Variants in POSTN observed in about 807,000 individuals in gnomAD.
The protein encoded by POSTN is osteoblast specific factor 2 (fasciclin I-like).
A neutral mutation model predicts 104.5 loss-of-function variants in POSTN; 71 were observed. That is an observed-to-expected ratio of 0.68 (90% CI 0.56 to 0.83). The LOEUF (loss-of-function observed/expected upper bound fraction) is 0.83, where lower values mean the gene tolerates loss of function less well. Ranked by LOEUF, POSTN falls within the 40% of genes least tolerant of loss-of-function variation. The pLI is 0.00. For synonymous variants in POSTN, 355 were observed against 340.7 expected (o/e 1.04, Z -0.46); for missense variants, 949 against 1,006.8 (o/e 0.94, Z 0.78).
chr13:37,587,875 T>C lies in POSTN; in HGVS notation c.553A>G (p.Ile185Val), dbSNP rs150811349. 11 of 1,605,774 alleles carry C rather than the reference T, an allele frequency of 6.9e-6. No homozygotes were observed. Among genetic ancestry groups the C allele is most frequent in the Non-Finnish European group, 8.5e-6 (10 of 1,173,128 alleles). The stretch of plus-strand genomic sequence containing the variant: ...CCCAAATTGTTATACATTGAAGGAA[T>C]AATCATGCCATTTTTTAAGTCCTTG... Reference protein sequence around the residue: ...LTKDLKNGMIIPSMYNNLGLF... With the variant: ...LTKDLKNGMIVPSMYNNLGLF... Residue 185 changes from isoleucine (I) to valine (V), a missense_variant, in exon 5 of 23, where the codon ATT becomes GTT. Ile to Val is a conservative substitution (Grantham distance 29, BLOSUM62 3). Coordinates refer to ENST00000379747, the MANE Select transcript of POSTN (RefSeq NM_006475.3).
At chr13:37,579,671 G>T (rs528359975) in intron 12 of POSTN, among the ~76,000 whole-genome samples, 190 bp downstream of exon 12, 2 of 152,098 alleles carry the variant, frequency 1.3e-5, no homozygotes, top group Non-Finnish European at 2.9e-5. Context: ...CAACATAACA[G>T]TTCACAGTTT....
intron 5 of POSTN, among the ~76,000 whole-genome samples, chr13:37,587,310 T>C (rs1391015804): frequency 6.6e-6 from 1 of 152,208 alleles, no homozygotes; most frequent in East Asian, 1.9e-4. Flanking sequence ...GAGAAACAAA[T>C]AATTATTGTA....
chr13:37,570,491 G>A (rs529185102), intron 19 of POSTN, 89 bp downstream of exon 19: 2 of 878,326 alleles, frequency 2.3e-6, no homozygotes, highest in South Asian at 3.4e-5. Context: ...AAAATGACTT[G>A]TTTCTTTAAT....
intron 15 of POSTN, among the ~76,000 whole-genome samples, chr13:37,578,584 T>C (rs1237520735): frequency 6.6e-6 from 1 of 151,776 alleles, no homozygotes; most frequent in Non-Finnish European, 1.5e-5. Flanking sequence ...GATCACGAGG[T>C]CAGGAGATCG....
At chr13:37,568,087 A>C (rs1414221269) in intron 21 of POSTN, among the ~76,000 whole-genome samples, 1 of 151,876 alleles carries the variant, frequency 6.6e-6, no homozygotes, top group Non-Finnish European at 1.5e-5. Context: ...TTCCTAGCAG[A>C]CAGTTGAGCA....
In POSTN at chr13:37,582,427, T is replaced by C; in HGVS notation, c.1331A>G (p.Tyr444Cys). 1.2e-6 allele frequency: 2 copies of C among 1,614,006 alleles called. No individual in the cohort carries two copies. The highest frequency in any genetic ancestry group is 2.2e-5 in the East Asian group (1 of 44,854). ...GATGGTTTCCAGTATTTGCCCGTTG[T>C]AAAGCTCATTAAGGCCAACTTTTAC... ...LKVKVGLNEL[Y>C]NGQILETIGG... Residue 444 changes from tyrosine to cysteine, a missense_variant, in exon 10 of 23, where the codon TAC becomes TGC. Physicochemically the swap from Tyr to Cys is radical, Grantham distance 194. Coordinates refer to ENST00000379747, the MANE Select transcript of POSTN (RefSeq NM_006475.3).
Position 37,571,439 on chromosome 13 carries a change from G to T in POSTN, c.2109C>A (p.Val703=). 1 of 1,606,902 alleles carries T rather than the reference G, an allele frequency of 6.2e-7. No homozygotes were observed. The highest frequency in any genetic ancestry group is 1.1e-5 in the South Asian group (1 of 90,848). The part of the protein sequence containing the change: ...IKTEGPTLTK[V]KIEGEPEFRL... The stretch of plus-strand genomic sequence containing the variant: ...TGAATTCAGGTTCACCTTCAATTTT[G>T]ACTTTTGTTAGTGTGGGTCCTGGGA... Residue 703 remains valine (V), a synonymous_variant, in exon 18 of 23, where the codon GTC becomes GTA. Transcript: ENST00000379747.
At chr13:37,590,969 G>A (rs535097403) in intron 3 of POSTN, among the ~76,000 whole-genome samples, 42 of 152,090 alleles carry the variant, frequency 2.8e-4, no homozygotes, top group Admixed American at 4.6e-4. Flanking sequence ...TATTTCTCCC[G>A]AACGTCAGAA....
chr13:37,591,722 A>G (rs555039838), intron 3 of POSTN, among the ~76,000 whole-genome samples: 1 of 152,292 alleles, frequency 6.6e-6, no homozygotes, highest in Admixed American at 6.5e-5. Context: ...AGAGGAAACC[A>G]AATTTCAATA....
chr13:37,586,674 T>A, intron 6 of POSTN, 108 bp downstream of exon 6: 1 of 1,062,662 alleles, frequency 9.4e-7, no homozygotes, highest in Non-Finnish European at 1.4e-6. Flanking sequence ...TTTCAAAAAA[T>A]ATGTGTTACA....
Position 37,598,746 on chromosome 13 carries a change from G to A in POSTN, c.-20C>T, listed in dbSNP as rs781144049. On this transcript the variant is annotated 5_prime_UTR_variant, in exon 1 of 23. Transcript: ENST00000379747. ...AATCATCTTGAGTCTCTCCGTTGCA[G>A]TTAGTCCCCGAAGAGAACTGGCAGT... 11 of 1,610,872 alleles carry A rather than the reference G, an allele frequency of 6.8e-6. No homozygotes were observed. In the African/African-American group the frequency reaches 1.1e-4, roughly 16 times the overall value.
In POSTN at chr13:37,574,752, A is replaced by G. The variant is rs545852511; in HGVS notation, c.2009-100T>C. ...TTCTTTTTTGTCTCTGTAGGATACT[A>G]AGGCACAGGATGTGGTAATATGTTC... On this transcript the variant is annotated intron_variant, in intron 16 of 22. Coordinates refer to ENST00000379747, the MANE Select transcript of POSTN (RefSeq NM_006475.3). 1.2e-4 allele frequency: 167 copies of G among 1,392,500 alleles called. 2 individuals carry two copies. In the East Asian group the frequency reaches 4.3e-3, roughly 36 times the overall value. The allele number at this position is 1,392,500 out of a possible 1,614,324, so 86.3% of individuals were successfully genotyped here.
At chr13:37,586,096 C>G in intron 7 of POSTN, 43 bp downstream of exon 7, 3 of 1,532,826 alleles carry the variant, frequency 2.0e-6, no homozygotes, top group Non-Finnish European at 2.6e-6. Context: ...ATTCCCTTCT[C>G]AGAATGCTGG....
At chr13:37,570,865 TTGG>T in intron 18 of POSTN, 196 bp from the exon 19 acceptor site, 1 of 474,928 alleles carries the variant, frequency 2.1e-6, no homozygotes, top group South Asian at 3.2e-5. Flanking sequence ...GTCCTGAATC[TTGG>T]TTGAGAGAGA....
intron 16 of POSTN, among the ~76,000 whole-genome samples, chr13:37,575,452 T>C (rs1950378474): frequency 6.6e-6 from 1 of 151,480 alleles, no homozygotes; most frequent in South Asian, 2.1e-4. Context: ...TGTACCCCCC[T>C]AGATCTATAA....
intron 21 of POSTN, among the ~76,000 whole-genome samples, chr13:37,565,912 C>T (rs183736469): frequency 2.6e-5 from 4 of 152,262 alleles, no homozygotes; most frequent in Admixed American, 2.0e-4. Flanking sequence ...GGTGTGCAGG[C>T]ACATTGCTTA....
At chr13:37,570,696 T>G in intron 18 of POSTN, 27 bp from the exon 19 acceptor site, 2 of 1,392,032 alleles carry the variant, frequency 1.4e-6, no homozygotes, top group Non-Finnish European at 2.0e-6. Context: ...ACAAATGCAT[T>G]TGATTTACCC....
At chr13:37,588,792 C>T (rs986993241) in intron 4 of POSTN, among the ~76,000 whole-genome samples, 1 of 152,036 alleles carries the variant, frequency 6.6e-6, no homozygotes, top group African/African-American at 2.4e-5. Context: ...GGGACAATAA[C>T]GTGGATAACT....
At position 37,583,999 on chromosome 13, in the gene POSTN, A is replaced by G; in HGVS notation, c.1213T>C (p.Leu405=). The stretch of plus-strand genomic sequence containing the variant: ...AATGCATTATTCACAGGTGCCAGCA[A>G]AGTGTATTCTCCATCTGGCCTCAGA... ...SALRPDGEYT[L]LAPVNNAFSD... is the part of the protein sequence containing the mutation. Residue 405 remains leucine, a synonymous_variant, in exon 9 of 23, where the codon TTG becomes CTG. Transcript: ENST00000379747. 6.2e-7 allele frequency: 1 copy of G among 1,613,884 alleles called. No individual in the cohort carries two copies. The highest frequency in any genetic ancestry group is 8.5e-7 in the Non-Finnish European group (1 of 1,179,870).
Sources: gnomAD v4.1 joint callset for allele counts (sites outside exome capture counted in the v4.1 genomes callset) on GRCh38, gnomAD v4.1.1 for gene constraint, MANE v1.5 for transcripts, NCBI Gene and HGNC (gene_info 2026-07-23, HGNC 2026-07-21) for gene names.